The following ZFAND6 variants were observed in gnomAD, a reference collection of about 807,000 sequenced individuals.
ZFAND6 encodes zinc finger AN1-type containing 6.
ZFAND6 carries 12 observed loss-of-function variants against 24.5 expected under a neutral mutation model. The ratio of observed to expected loss-of-function variants is 0.49; its 90% CI spans 0.31 to 0.79. The LOEUF (loss-of-function observed/expected upper bound fraction) is 0.79. Ranked by LOEUF, ZFAND6 falls within the 30% of genes least tolerant of loss-of-function variation. The pLI, the probability that ZFAND6 is intolerant of heterozygous loss-of-function variation, is 0.04. For synonymous variants in ZFAND6, 92 were observed against 81.5 expected, an observed-to-expected ratio of 1.13 and a Z score of -0.69; for missense variants, 207 against 245.9, an observed-to-expected ratio of 0.84 and a Z score of 1.06.
chr15:80,065,605 G>A (rs1225880504), intron 1 of ZFAND6, among the ~76,000 whole-genome samples: 1 of 144,216 alleles, frequency 6.9e-6, no homozygotes, highest in African/African-American at 2.6e-5. Flanking sequence ...GAGTGTGATG[G>A]CATGATCTTG....
At chr15:80,063,943 C>T (rs1434741897) in intron 1 of ZFAND6, among the ~76,000 whole-genome samples, 1 of 152,212 alleles carries the variant, frequency 6.6e-6, no homozygotes, top group Non-Finnish European at 1.5e-5. Flanking sequence ...CTGCCTTGGC[C>T]TCCCAAAGTG....
chr15:80,090,128 T>C (rs2038264481), intron 1 of ZFAND6, among the ~76,000 whole-genome samples: 1 of 152,242 alleles, frequency 6.6e-6, no homozygotes, highest in African/African-American at 2.4e-5. Context: ...CAAATCATAC[T>C]GCTCAGAAAC....
intron 2 of ZFAND6, chr15:80,115,125 A>C (rs1214538825): frequency 6.6e-6 from 1 of 152,134 alleles, no homozygotes; most frequent in Non-Finnish European, 1.5e-5. Flanking sequence ...AAATAGGGAT[A>C]TCAACAGCAC....
At chr15:80,088,368 G>C (rs2038132333) in intron 1 of ZFAND6, among the ~76,000 whole-genome samples, 1 of 152,092 alleles carries the variant, frequency 6.6e-6, no homozygotes, top group African/African-American at 2.4e-5. Flanking sequence ...AGGAGTTCCA[G>C]ACCAGCTTGA....
In ZFAND6 at chr15:80,118,076, AC is replaced by A. The variant is rs74930748; in HGVS notation, c.-17-2251del. Among the ~76,000 whole-genome samples the A allele has an allele frequency of 4.6e-5, 7 of 151,878 alleles. No individual in the cohort carries two copies. In the East Asian group the frequency reaches 1.4e-3, roughly 29 times the overall value. On this transcript the variant is annotated intron_variant, in intron 2 of 6. Transcript: ENST00000261749. ...CATATATGTATACATATGTATACAT[AC>A]TATATATACACACATTATACATAGA...
chr15:80,084,578 G>T (rs1057296430), intron 1 of ZFAND6, among the ~76,000 whole-genome samples: 2 of 152,230 alleles, frequency 1.3e-5, no homozygotes, highest in Admixed American at 1.3e-4. Flanking sequence ...CGTGGGGGCA[G>T]TGTGTCAGAA....
At chr15:80,134,376 G>T (rs1016195671) in intron 6 of ZFAND6, among the ~76,000 whole-genome samples, 16 of 152,278 alleles carry the variant, frequency 1.1e-4, no homozygotes, top group African/African-American at 3.9e-4. Flanking sequence ...ATAAATGCTT[G>T]CTCCCAGAGA....
chr15:80,076,110 C>G (rs1039470955), intron 1 of ZFAND6, among the ~76,000 whole-genome samples: 2 of 152,082 alleles, frequency 1.3e-5, no homozygotes, highest in Non-Finnish European at 2.9e-5. Context: ...GCATTTTGTT[C>G]TTAACTCTTC....
At chr15:80,070,419 C>T (rs2036909334) in intron 1 of ZFAND6, among the ~76,000 whole-genome samples, 1 of 152,168 alleles carries the variant, frequency 6.6e-6, no homozygotes, top group African/African-American at 2.4e-5. Context: ...TTCATATTAT[C>T]TCGGTTATAC....
At chr15:80,115,717 G>T (rs977443739) in intron 2 of ZFAND6, among the ~76,000 whole-genome samples, 2 of 151,556 alleles carry the variant, frequency 1.3e-5, no homozygotes, top group Non-Finnish European at 2.9e-5. Context: ...AATCCTGTGA[G>T]AAACCCTTTG....
At chr15:80,136,756 T>G (rs2040883977) in intron 6 of ZFAND6, among the ~76,000 whole-genome samples, 1 of 152,236 alleles carries the variant, frequency 6.6e-6, no homozygotes, top group South Asian at 2.1e-4. Flanking sequence ...CCAGTTTTAT[T>G]TAAAGACTGG....
At chr15:80,092,063 G>C (rs1007860607) in intron 1 of ZFAND6, among the ~76,000 whole-genome samples, 1 of 152,056 alleles carries the variant, frequency 6.6e-6, no homozygotes, top group African/African-American at 2.4e-5. Context: ...TGATGTTTTT[G>C]TATTTAGTTT....
At chr15:80,114,309 G>A (rs2039758762) in intron 2 of ZFAND6, among the ~76,000 whole-genome samples, 1 of 152,156 alleles carries the variant, frequency 6.6e-6, no homozygotes, top group African/African-American at 2.4e-5. Flanking sequence ...AGCTGCTGCC[G>A]ACCTGACTCC....
intron 1 of ZFAND6, among the ~76,000 whole-genome samples, chr15:80,091,084 G>T (rs2038330377): frequency 6.6e-6 from 1 of 152,078 alleles, no homozygotes; most frequent in South Asian, 2.1e-4. Flanking sequence ...GCCACTAGGA[G>T]GAAGAGAAGT....
intron 1 of ZFAND6, among the ~76,000 whole-genome samples, chr15:80,073,546 C>A (rs1302468224): frequency 6.6e-6 from 1 of 151,876 alleles, no homozygotes; most frequent in Non-Finnish European, 1.5e-5. Flanking sequence ...ATTGTATTTG[C>A]TATGCTACTT....
intron 1 of ZFAND6, among the ~76,000 whole-genome samples, chr15:80,087,431 T>C (rs1224148887): frequency 1.3e-5 from 2 of 152,228 alleles, no homozygotes; most frequent in East Asian, 3.8e-4. Flanking sequence ...TTTGGAATGC[T>C]TAATATCCTA....
chr15:80,064,667 G>T (rs974538796), intron 1 of ZFAND6, among the ~76,000 whole-genome samples: 1 of 151,852 alleles, frequency 6.6e-6, no homozygotes, highest in African/African-American at 2.4e-5. Flanking sequence ...TTGAGACACG[G>T]TCTTGCTCTA....
intron 2 of ZFAND6, chr15:80,111,508 CAG>C (rs771387651): frequency 2.2e-6 from 1 of 455,942 alleles, no homozygotes; most frequent in South Asian, 1.5e-5. Context: ...GAATGTCAAT[CAG>C]AAGTTTTCTA....
intron 6 of ZFAND6, among the ~76,000 whole-genome samples, chr15:80,135,789 GA>G (rs1567105633): frequency 6.6e-6 from 1 of 151,996 alleles, no homozygotes. Flanking sequence ...AATTTAAAAA[GA>G]TGTTTCAGAT....
Sources: allele counts gnomAD v4.1 joint callset (sites outside exome capture counted in the v4.1 genomes callset), GRCh38; gene constraint gnomAD v4.1.1; transcripts MANE v1.5; gene names NCBI Gene and HGNC (gene_info 2026-07-23, HGNC 2026-07-21).